TCN2: variants seen among roughly 807,000 people sequenced by gnomAD.
TCN2 encodes transcobalamin-2.
In TCN2, 34 loss-of-function variants were observed where a neutral mutation model predicts 48.6. That is an observed-to-expected ratio of 0.70 (90% CI 0.53 to 0.93). TCN2 has a LOEUF of 0.93. Ranked by LOEUF, TCN2 falls within the 40% of genes least tolerant of loss-of-function variation. The pLI is 0.00. For synonymous variants in TCN2, 283 were observed against 212.5 expected, an observed-to-expected ratio of 1.33 and a Z score of -2.89; for missense variants, 652 against 526.1, an observed-to-expected ratio of 1.24 and a Z score of -2.34.
chr22:30,617,195 G>C, intron 6 of TCN2, 135 bp from the exon 7 acceptor site: 1 of 1,195,828 alleles, frequency 8.4e-7, no homozygotes, highest in Non-Finnish European at 1.2e-6. Flanking sequence ...CAGCTGAGCA[G>C]GTGGCGGTGG....
In TCN2 at chr22:30,615,480, A is replaced by G. The variant is rs758687066; in HGVS notation, c.753+7A>G. 3 of 1,613,994 alleles carry G rather than the reference A, an allele frequency of 1.9e-6. No individual in the cohort carries two copies. The highest frequency in any genetic ancestry group is 1.7e-5 in the Admixed American group (1 of 59,990). ...CACCCCATTGGCATTACAGGTGGGA[A>G]AGAGACCCTGGAGCCATGGCCACCC... On this transcript the variant is annotated splice_region_variant and intron_variant, in intron 5 of 8. Coordinates refer to ENST00000215838, the MANE Select transcript of TCN2 (RefSeq NM_000355.4).
chr22:30,617,747 G>A lies in TCN2; in HGVS notation c.1106+252G>A, dbSNP rs2087635221. On this transcript the variant is annotated intron_variant, in intron 7 of 8. Coordinates refer to ENST00000215838, the MANE Select transcript of TCN2 (RefSeq NM_000355.4). The stretch of plus-strand genomic sequence containing the variant: ...TTGGAATCCCAACTCTAACCAGCTA[G>A]GTTCCAGGTAGGCACCCACAATTCA... 5.7e-6 allele frequency: 3 copies of A among 522,456 alleles called. No individual in the cohort carries two copies. In the African/African-American group the frequency reaches 5.8e-5, roughly 10 times the overall value. 32.4% of individuals were successfully genotyped at this position (522,456 alleles called of 1,614,324 possible).
chr22:30,612,769 C>A, intron 2 of TCN2, 104 bp from the exon 3 acceptor site: 2 of 1,450,264 alleles, frequency 1.4e-6, no homozygotes, highest in Non-Finnish European at 1.9e-6. Context: ...AAGTTTCCCA[C>A]TGTTAAGATT....
rs1299047823 is a variant in TCN2 at position 30,623,749 on chromosome 22, CAT to C, written c.1222+673_1222+674del. On this transcript the variant is annotated intron_variant, in intron 8 of 8. Transcript: ENST00000215838. ...ATATATGTATACATATATATACACACATATATATGTATATATATATACACACA... is the reference window on the plus strand; with the variant it reads ...ATATATGTATACATATATATACACACATATATGTATATATATATACACACA... Among the ~76,000 whole-genome samples the C allele has an allele frequency of 2.9e-3, 241 of 84,130 alleles. 69 individuals carry two copies. Among genetic ancestry groups the C allele is most frequent in the Middle Eastern group, 0.018 (3 of 166 alleles). 55.2% of individuals were successfully genotyped at this position (84,130 alleles called of 152,430 possible). A position where few individuals can be genotyped will look rare whatever the true frequency, so the allele number is the denominator to read the frequency against.
chr22:30,619,842 A>C (rs1034807542), intron 7 of TCN2, among the ~76,000 whole-genome samples: 3 of 152,176 alleles, frequency 2.0e-5, no homozygotes, highest in Non-Finnish European at 4.4e-5. Context: ...TTAGATGTGT[A>C]CTGATAATTT....
At position 30,617,453 on chromosome 22, in the gene TCN2, T is replaced by C; in HGVS notation, c.1064T>C (p.Val355Ala). The C allele has an allele frequency of 1.9e-6, 3 of 1,614,088 alleles. No homozygotes were observed. The highest frequency in any genetic ancestry group is 2.5e-6 in the Non-Finnish European group (3 of 1,180,024). Reference sequence around the variant, plus strand: ...ATCTCTGTTCTGGCCGGGTCCACCGTGGAAGATGTCCTGAAGAAGGCCCAT... The same window carrying C: ...ATCTCTGTTCTGGCCGGGTCCACCGCGGAAGATGTCCTGAAGAAGGCCCAT... The part of the protein sequence containing the change: ...QSISVLAGST[V>A]EDVLKKAHEL... The change falls in exon 7 of 9, where the codon GTG (valine) becomes GCG (alanine). Residue 355 changes from valine (V) to alanine (A), a missense_variant. Transcript: ENST00000215838.
rs549987353 is a variant in TCN2 at position 30,607,535 on chromosome 22, A to T, written c.64+140A>T. On this transcript the variant is annotated intron_variant, in intron 1 of 8. Transcript: ENST00000215838. ...TTAGCTGGACCTCAGCATTTAACAC[A>T]TCCTATTGTGATTGATTATATGTTT... The T allele has an allele frequency of 1.2e-5, 9 of 771,434 alleles. No homozygotes were observed. The African/African-American group carries it at 1.6e-4, about 14-fold the overall frequency. 47.8% of individuals were successfully genotyped at this position (771,434 alleles called of 1,614,324 possible).
At chr22:30,616,873 T>G (rs1284660940) in intron 6 of TCN2, among the ~76,000 whole-genome samples, 4 of 151,222 alleles carry the variant, frequency 2.6e-5, no homozygotes, top group Admixed American at 2.0e-4. Flanking sequence ...GTGCACAGAG[T>G]TTGGGGGAAT....
intron 2 of TCN2, among the ~76,000 whole-genome samples, chr22:30,611,915 TC>T (rs2087547461): frequency 6.6e-6 from 1 of 151,904 alleles, no homozygotes; most frequent in Admixed American, 6.6e-5. Flanking sequence ...TTTCTCAGAC[TC>T]CCTCTTGAGA....
chr22:30,626,679 G>C lies in TCN2; in HGVS notation c.*158G>C. 1.3e-6 allele frequency: 1 copy of C among 791,320 alleles called. No homozygotes were observed. The highest frequency in any genetic ancestry group is 1.5e-5 in the South Asian group (1 of 67,198). 49.0% of individuals were successfully genotyped at this position (791,320 alleles called of 1,614,324 possible). ...TCACCCCAGCCACAAGCCCTTCGAG[G>C]GCCCTATACCATGGCCCACCTTGGA... On this transcript the variant is annotated 3_prime_UTR_variant, in exon 9 of 9. Coordinates refer to ENST00000215838, the MANE Select transcript of TCN2 (RefSeq NM_000355.4).
At position 30,627,004 on chromosome 22, in the gene TCN2, G is replaced by T. The variant is rs2087820982; in HGVS notation, c.*483G>T. 2 of 228,402 alleles carry T rather than the reference G, an allele frequency of 8.8e-6. No homozygotes were observed. Among genetic ancestry groups the T allele is most frequent in the Admixed American group, 5.1e-5 (1 of 19,776 alleles). The allele number at this position is 228,402 out of a possible 1,614,324, so 14.1% of individuals were successfully genotyped here. ...CACAGTAGCTGGGGAGACCTCAGCAGGGCTGCTCAGTGCCTGCCTCTGACA... is the reference window on the plus strand; with the variant it reads ...CACAGTAGCTGGGGAGACCTCAGCATGGCTGCTCAGTGCCTGCCTCTGACA... On this transcript the variant is annotated 3_prime_UTR_variant, in exon 9 of 9. Transcript: ENST00000215838.
intron 6 of TCN2, among the ~76,000 whole-genome samples, chr22:30,616,446 C>T (rs980462271): frequency 6.0e-5 from 9 of 149,344 alleles, no homozygotes; most frequent in Non-Finnish European, 1.0e-4. Flanking sequence ...CAAGATCATG[C>T]CACTGCACTC....
Position 30,626,897 on chromosome 22 carries a change from A to C in TCN2, c.*376A>C. The stretch of plus-strand genomic sequence containing the variant: ...GTTCTGTGGTTGGGGTCCTGCAAGA[A>C]GGCCTCCTCAGCCCGGGGGCTATGG... On this transcript the variant is annotated 3_prime_UTR_variant, in exon 9 of 9. Coordinates refer to ENST00000215838, the MANE Select transcript of TCN2 (RefSeq NM_000355.4). 1 of 357,058 alleles carries C rather than the reference A, an allele frequency of 2.8e-6. No individual in the cohort carries two copies. Among genetic ancestry groups the C allele is most frequent in the Non-Finnish European group, 5.4e-6 (1 of 184,942 alleles). 22.1% of individuals were successfully genotyped at this position (357,058 alleles called of 1,614,324 possible). A position where few individuals can be genotyped will look rare whatever the true frequency, so the allele number is the denominator to read the frequency against.
At chr22:30,608,181 T>TC (rs1281982054) in intron 1 of TCN2, among the ~76,000 whole-genome samples, 1 of 152,152 alleles carries the variant, frequency 6.6e-6, no homozygotes, top group Non-Finnish European at 1.5e-5. Context: ...TTTCTCCTCC[T>TC]CTGCACCTAG....
chr22:30,622,133 A>G (rs533413387), intron 7 of TCN2, among the ~76,000 whole-genome samples: 4 of 152,182 alleles, frequency 2.6e-5, no homozygotes, highest in African/African-American at 2.4e-5. Context: ...GATTACTGGC[A>G]TGAACCACCA....
intron 8 of TCN2, 138 bp from the exon 9 acceptor site, chr22:30,626,322 G>T: frequency 1.2e-6 from 1 of 857,180 alleles, no homozygotes. Flanking sequence ...AGGCTTTAGG[G>T]AGGTTCCAGC....
intron 7 of TCN2, among the ~76,000 whole-genome samples, chr22:30,620,869 T>C (rs1253305340): frequency 4.6e-5 from 7 of 152,060 alleles, no homozygotes; most frequent in Admixed American, 3.3e-4. Context: ...TAGACAGATG[T>C]GGAGAGAGGT....
intron 8 of TCN2, chr22:30,623,313 T>C (rs1241360476): frequency 3.9e-6 from 2 of 517,554 alleles, no homozygotes; most frequent in African/African-American, 1.9e-5. Flanking sequence ...AAAAAAAAAC[T>C]AGAAGAAAAT....
chr22:30,610,428 C>G (rs981414673), intron 1 of TCN2: 2 of 386,636 alleles, frequency 5.2e-6, no homozygotes, highest in Non-Finnish European at 1.0e-5. Flanking sequence ...GCAGTTAGGT[C>G]CATCCTTGGC....
Sources: allele counts gnomAD v4.1 joint callset (sites outside exome capture counted in the v4.1 genomes callset), GRCh38; gene constraint gnomAD v4.1.1; transcripts MANE v1.5; gene names NCBI Gene and HGNC (gene_info 2026-07-23, HGNC 2026-07-21).